DTD1: variants seen among roughly 807,000 people sequenced by gnomAD.
DTD1 encodes the protein D-tyrosyl-tRNA deacylase 1 homolog.
Under a neutral mutation model 25.6 loss-of-function variants are expected in DTD1, and 13 were observed. The ratio of observed to expected loss-of-function variants is 0.51; its 90% CI spans 0.33 to 0.81. The LOEUF is 0.81. Among genes scored for constraint, DTD1 ranks in the 30% least tolerant of loss-of-function variants. The probability of loss-of-function intolerance (pLI) is 0.02; values close to 1 mark genes in which losing one functional copy is unlikely to be tolerated. For missense variants in DTD1, 193 were observed against 266.4 expected (o/e 0.72, Z 1.92); for synonymous variants, 110 against 103.6 (o/e 1.06, Z -0.37).
chr20:18,667,572 T>C (rs1600353546), intron 4 of DTD1, among the ~76,000 whole-genome samples: 1 of 71,128 alleles, frequency 1.4e-5, no homozygotes, highest in South Asian at 6.1e-4. Context: ...AGGTCCCCCC[T>C]GGCATACAGC....
At chr20:18,732,265 G>T (rs2061241152) in intron 4 of DTD1, among the ~76,000 whole-genome samples, 1 of 152,192 alleles carries the variant, frequency 6.6e-6, no homozygotes, top group Admixed American at 6.5e-5. Flanking sequence ...AAATGCTCAT[G>T]AACAGTGTTC....
chr20:18,727,682 C>T (rs1425172873), intron 4 of DTD1, among the ~76,000 whole-genome samples: 1 of 152,062 alleles, frequency 6.6e-6, no homozygotes, highest in Non-Finnish European at 1.5e-5. Flanking sequence ...CCCCTTCCCA[C>T]CATCCTCCCC....
At chr20:18,710,242 A>G (rs2061153375) in intron 4 of DTD1, among the ~76,000 whole-genome samples, 1 of 152,256 alleles carries the variant, frequency 6.6e-6, no homozygotes, top group African/African-American at 2.4e-5. Flanking sequence ...TTATCCTAAT[A>G]AAATTTTCTA....
intron 4 of DTD1, among the ~76,000 whole-genome samples, chr20:18,660,511 G>A (rs557325372): frequency 1.5e-4 from 23 of 152,154 alleles, no homozygotes; most frequent in African/African-American, 4.1e-4. Flanking sequence ...ATGAGCCACC[G>A]TGGGTGGCCC....
In DTD1 at chr20:18,744,140, C is replaced by CCAGA; in HGVS notation, c.519_522dup (p.Ala175GlnfsTer3). 6.2e-7 allele frequency: 1 copy of CCAGA among 1,612,068 alleles called. No individual in the cohort carries two copies. Among genetic ancestry groups the CCAGA allele is most frequent in the Non-Finnish European group, 8.5e-7 (1 of 1,179,898 alleles). ...AAACAGCAGCAGAGGAAAGAAAAGACCAGAGCTAAGGGACCTTCTGAATCA... is the reference window on the plus strand; with the variant it reads ...AAACAGCAGCAGAGGAAAGAAAAGACCAGACAGAGCTAAGGGACCTTCTGAATCA... On this transcript the variant is annotated frameshift_variant, in exon 5 of 6. Transcript: ENST00000377452. LOFTEE classifies it high-confidence loss of function.
intron 3 of DTD1, among the ~76,000 whole-genome samples, chr20:18,597,251 C>CT (rs989809730): frequency 6.6e-6 from 1 of 150,740 alleles, no homozygotes; most frequent in African/African-American, 2.4e-5. Context: ...ATGGTTATTT[C>CT]TAAGTTTTTA....
intron 5 of DTD1, among the ~76,000 whole-genome samples, chr20:18,757,103 T>G (rs2061342321): frequency 6.6e-6 from 1 of 152,090 alleles, no homozygotes; most frequent in African/African-American, 2.4e-5. Flanking sequence ...ATGCTTGTGA[T>G]TTTTGCACAT....
At chr20:18,708,437 C>G in intron 4 of DTD1, among the ~76,000 whole-genome samples, 1 of 141,732 alleles carries the variant, frequency 7.1e-6, no homozygotes, top group African/African-American at 2.6e-5. Context: ...CTCACTGCAA[C>G]CTTCACCTCC....
chr20:18,689,285 G>T (rs1036083803), intron 4 of DTD1, among the ~76,000 whole-genome samples: 30 of 152,176 alleles, frequency 2.0e-4, no homozygotes, highest in African/African-American at 7.0e-4. Flanking sequence ...TCCACTGCCC[G>T]CCCCCTTTGT....
intron 4 of DTD1, among the ~76,000 whole-genome samples, chr20:18,663,255 C>T (rs953798982): frequency 1.3e-5 from 2 of 151,868 alleles, no homozygotes; most frequent in South Asian, 2.1e-4. Flanking sequence ...TGTGGTGGCT[C>T]ACATCTGTAA....
At chr20:18,631,756 G>A (rs1369180907) in intron 4 of DTD1, 5 of 985,148 alleles carry the variant, frequency 5.1e-6, no homozygotes, top group Non-Finnish European at 3.6e-6. Flanking sequence ...GGTTTTATTT[G>A]ATCATTATTC....
intron 4 of DTD1, among the ~76,000 whole-genome samples, chr20:18,734,750 T>A (rs1019707535): frequency 2.0e-5 from 3 of 152,354 alleles, no homozygotes; most frequent in South Asian, 4.1e-4. Context: ...CAGCATGGTT[T>A]AAGTGACTTG....
chr20:18,748,385 G>T (rs11905040), intron 5 of DTD1, among the ~76,000 whole-genome samples: 2,205 of 152,198 alleles, frequency 0.014, 30 homozygotes, highest in African/African-American at 0.023. Context: ...CTATGACGGG[G>T]TATTGAGTTT....
intron 4 of DTD1, among the ~76,000 whole-genome samples, chr20:18,676,797 G>A (rs1205340467): frequency 6.6e-6 from 1 of 152,140 alleles, no homozygotes; most frequent in Non-Finnish European, 1.5e-5. Flanking sequence ...ACGGCTCAGT[G>A]ACAAGCAGAC....
intron 3 of DTD1, among the ~76,000 whole-genome samples, chr20:18,624,617 A>T (rs1180839947): frequency 6.6e-6 from 1 of 151,832 alleles, no homozygotes; most frequent in Non-Finnish European, 1.5e-5. Flanking sequence ...CTTTGGGGGG[A>T]CTCAAACACT....
At chr20:18,743,094 T>TA (rs1273199456) in intron 4 of DTD1, among the ~76,000 whole-genome samples, 1 of 152,210 alleles carries the variant, frequency 6.6e-6, no homozygotes, top group Non-Finnish European at 1.5e-5. Context: ...TGCTCAGTGT[T>TA]AGATGATGGA....
chr20:18,732,328 T>G (rs2061241373), intron 4 of DTD1, among the ~76,000 whole-genome samples: 1 of 152,228 alleles, frequency 6.6e-6, no homozygotes, highest in Admixed American at 6.5e-5. Context: ...AAGTATCTCC[T>G]TAAACTCTGT....
At chr20:18,705,865 A>G (rs1156894206) in intron 4 of DTD1, among the ~76,000 whole-genome samples, 1 of 152,130 alleles carries the variant, frequency 6.6e-6, no homozygotes, top group Non-Finnish European at 1.5e-5. Flanking sequence ...CTGTTTTTTG[A>G]GCCTGTATCC....
At chr20:18,694,997 A>G (rs1861726942) in intron 4 of DTD1, among the ~76,000 whole-genome samples, 1 of 152,132 alleles carries the variant, frequency 6.6e-6, no homozygotes. Context: ...TATATGTGCC[A>G]ATAGATTCCC....
Sources: gnomAD v4.1 joint callset for allele counts (sites outside exome capture counted in the v4.1 genomes callset) on GRCh38, gnomAD v4.1.1 for gene constraint, MANE v1.5 for transcripts, NCBI Gene and HGNC (gene_info 2026-07-23, HGNC 2026-07-21) for gene names.